The following C4orf50 variants were observed in gnomAD, a reference collection of about 807,000 sequenced individuals.
C4orf50 encodes the protein chromosome 4 open reading frame 50, also known as uncharacterized protein C4orf50.
Under a neutral mutation model 77.2 loss-of-function variants are expected in C4orf50, and 80 were observed. The observed-to-expected ratio is 1.04, with a 90% confidence interval of 0.87 to 1.25. The LOEUF (loss-of-function observed/expected upper bound fraction) is 1.25, where lower values mean the gene tolerates loss of function less well. Among genes scored for constraint, C4orf50 ranks in the 50% most tolerant of loss-of-function variants. The pLI, the probability that C4orf50 is intolerant of heterozygous loss-of-function variation, is 0.00. For synonymous variants in C4orf50, 532 were observed against 465.3 expected (o/e 1.14, Z -1.84); for missense variants, 1,257 against 1,152.9 (o/e 1.09, Z -1.31).
chr4:5,921,473 C>A (rs1717268220), intron 7 of C4orf50, among the ~76,000 whole-genome samples: 1 of 152,300 alleles, frequency 6.6e-6, no homozygotes, highest in Middle Eastern at 3.4e-3. Context: ...GGGATGAATG[C>A]CGTGAGACAG....
intron 7 of C4orf50, among the ~76,000 whole-genome samples, chr4:5,938,460 C>T (rs866525942): frequency 1.3e-5 from 2 of 152,090 alleles, no homozygotes; most frequent in Admixed American, 6.6e-5. Flanking sequence ...AGGGTCACAG[C>T]GGGAGGGGCC....
At chr4:5,993,030 AC>A (rs138600012) in intron 26 of C4orf50, 100 bp from the exon 5 acceptor site, 202 of 386,910 alleles carry the variant, frequency 5.2e-4, no homozygotes, top group African/African-American at 3.3e-3. Flanking sequence ...GTAAGATGGC[AC>A]CCCCCCCACC....
intron 7 of C4orf50, among the ~76,000 whole-genome samples, chr4:5,935,893 A>G (rs193058349): frequency 2.0e-4 from 31 of 152,140 alleles, no homozygotes; most frequent in Middle Eastern, 3.4e-3. Context: ...CAGGAAGGTT[A>G]AGTTCCCCCA....
rs115689199 is a variant in C4orf50, at chr4:5,969,199, T to C, written c.4105-1737A>G. 3.8e-3 allele frequency among the ~76,000 whole-genome samples: 577 copies of C among 152,128 alleles called. 3 individuals are homozygous for C. The highest frequency in any genetic ancestry group is 0.013 in the African/African-American group (545 of 41,500). Reference sequence around the variant, plus strand: ...GTGCTACACTCTCCCGAGCCCTGCCTCTCTCCCCACGAAAACTTTTAGGGG... The same window carrying C: ...GTGCTACACTCTCCCGAGCCCTGCCCCTCTCCCCACGAAAACTTTTAGGGG... On this transcript the variant is annotated intron_variant, in intron 31 of 33. Transcript: ENST00000531445.
intron 25 of C4orf50, among the ~76,000 whole-genome samples, chr4:6,003,449 A>G (rs919791104): frequency 6.6e-6 from 1 of 150,638 alleles, no homozygotes; most frequent in African/African-American, 2.4e-5. Flanking sequence ...GATAGTGATG[A>G]GGGTGGTAAT....
intron 33 of C4orf50, among the ~76,000 whole-genome samples, chr4:5,963,463 CT>C (rs896060700): frequency 1.4e-4 from 22 of 151,916 alleles, no homozygotes; most frequent in African/African-American, 2.9e-4. Context: ...CAATAGCTAT[CT>C]TTTTTTTAAT....
intron 25 of C4orf50, among the ~76,000 whole-genome samples, chr4:5,996,911 G>T (rs1244379958): frequency 6.6e-6 from 1 of 152,164 alleles, no homozygotes; most frequent in African/African-American, 2.4e-5. Flanking sequence ...TTATCCATTT[G>T]GTTCCCACTC....
chr4:5,994,943 C>T (rs536002848), intron 25 of C4orf50, among the ~76,000 whole-genome samples: 5 of 152,232 alleles, frequency 3.3e-5, no homozygotes, highest in African/African-American at 9.6e-5. Flanking sequence ...TTGTGAACTG[C>T]GTAAGCGAGA....
chr4:5,984,145 C>G (rs1233325733), intron 28 of C4orf50, among the ~76,000 whole-genome samples: 2 of 152,206 alleles, frequency 1.3e-5, no homozygotes, highest in African/African-American at 4.8e-5. Flanking sequence ...GAGGGCAAAA[C>G]TTAAATAGGC....
chr4:5,944,839 C>T (rs1271029512), intron 7 of C4orf50, among the ~76,000 whole-genome samples: 2 of 152,074 alleles, frequency 1.3e-5, no homozygotes, highest in Non-Finnish European at 2.9e-5. Context: ...AAGACTTCCC[C>T]GGGAAAGGGA....
intron 7 of C4orf50, among the ~76,000 whole-genome samples, chr4:5,948,453 T>C (rs901413484): frequency 2.6e-5 from 4 of 151,552 alleles, no homozygotes; most frequent in Admixed American, 1.3e-4. Flanking sequence ...TCACCTGAGG[T>C]CAGGAGATCG....
At chr4:5,912,547 C>T (rs186737451) in intron 7 of C4orf50, among the ~76,000 whole-genome samples, 209 of 152,122 alleles carry the variant, frequency 1.4e-3, no homozygotes, top group Middle Eastern at 6.8e-3. Flanking sequence ...AAAGAGTGCA[C>T]CAGTGTTCTA....
At chr4:5,984,054 A>G (rs1275197622) in intron 28 of C4orf50, among the ~76,000 whole-genome samples, 1 of 152,226 alleles carries the variant, frequency 6.6e-6, no homozygotes, top group Non-Finnish European at 1.5e-5. Flanking sequence ...AATGCTGTGG[A>G]ACTCAGCTGA....
intron 25 of C4orf50, among the ~76,000 whole-genome samples, chr4:6,003,836 GTGATA>G (rs879194040): frequency 2.2e-3 from 9 of 4,154 alleles, no homozygotes; most frequent in South Asian, 7.5e-3. Flanking sequence ...TGGTGATGAT[GTGATA>G]GTGATGATGG....
exon 28 of C4orf50, chr4:5,990,143 A>C: frequency 7.9e-7 from 1 of 1,263,354 alleles, no homozygotes; most frequent in East Asian, 2.9e-5. Flanking sequence ...CCCTCCTTTG[A>C]TACTGAGGCC....
intron 23 of C4orf50, among the ~76,000 whole-genome samples, chr4:6,016,196 G>A (rs1168940667): frequency 6.6e-6 from 1 of 152,150 alleles, no homozygotes; most frequent in Non-Finnish European, 1.5e-5. Flanking sequence ...TGATGTTTTT[G>A]TGACCTGAAA....
downstream of C4orf50, among the ~76,000 whole-genome samples, chr4:5,952,436 G>A (rs59141836): frequency 0.018 from 2,770 of 152,280 alleles, 83 homozygotes; most frequent in African/African-American, 0.063. This position sits in a 1 kb window ranked among gnomAD's most constrained non-coding sequence, Gnocchi z 4.4. Context: ...CCTCCAGGGC[G>A]AGGGAGCAGG....
chr4:5,992,835 G>A lies in C4orf50; in HGVS notation c.1189C>T (p.Pro397Ser), dbSNP rs1006989209. 2.5e-6 allele frequency: 1 copy of A among 399,108 alleles called. No homozygotes were observed. 24.7% of individuals were successfully genotyped at this position (399,108 alleles called of 1,614,324 possible). ...CGGTTGGATCCGGCCAGGTCTCTGGGGAGCTCGCTTGTGGTCTCCGGGCCT... is the reference window on the plus strand; with the variant it reads ...CGGTTGGATCCGGCCAGGTCTCTGGAGAGCTCGCTTGTGGTCTCCGGGCCT... Residue 397 changes from proline (P) to serine (S), a missense_variant, in exon 27 of 34, where the codon CCC (proline) becomes TCC (serine). By Grantham distance (74) the Pro-to-Ser change is moderately conservative. Transcript: ENST00000531445. The surrounding 1 kb of genome is among the most constrained non-coding windows in gnomAD (Gnocchi z 5.0).
At chr4:5,925,775 G>C (rs889039748) in intron 7 of C4orf50, among the ~76,000 whole-genome samples, 1 of 152,270 alleles carries the variant, frequency 6.6e-6, no homozygotes, top group African/African-American at 2.4e-5. Flanking sequence ...GCGAGGACCA[G>C]GGTTGGGGAA....
Sources: gnomAD v4.1 joint callset for allele counts (sites outside exome capture counted in the v4.1 genomes callset) on GRCh38, gnomAD v4.1.1 for gene constraint, Gnocchi (gnomAD v3.1) non-coding constraint, MANE v1.5 for transcripts, NCBI Gene and HGNC (gene_info 2026-07-23, HGNC 2026-07-21) for gene names.